The following TCF4 variants were observed in gnomAD, a reference collection of about 807,000 sequenced individuals.
TCF4 encodes transcription factor 4, also known as SL3-3 enhancer factor 2.
A neutral mutation model predicts 82.1 loss-of-function variants in TCF4; 3 were observed. That is an observed-to-expected ratio of 0.04 (90% CI 0.02 to 0.09). The LOEUF (loss-of-function observed/expected upper bound fraction) is 0.09. TCF4 is among the 10% of genes least tolerant of loss of function. The probability of loss-of-function intolerance (pLI) is 1.00; values close to 1 mark genes in which losing one functional copy is unlikely to be tolerated. For missense variants in TCF4, 518 were observed against 852.7 expected (o/e 0.61, Z 4.89); for synonymous variants, 276 against 309.6 (o/e 0.89, Z 1.14).
At chr18:55,258,588 T>C (rs1160736044) in intron 13 of TCF4, among the ~76,000 whole-genome samples, 2 of 152,204 alleles carry the variant, frequency 1.3e-5, no homozygotes, top group Non-Finnish European at 2.9e-5. Context: ...AGTATTCTCA[T>C]CTGTAAAATC....
rs937298071 is a variant in TCF4, at chr18:55,234,273, G to C, written c.1486+275C>G. 5.2e-6 allele frequency: 3 copies of C among 573,764 alleles called. No homozygotes were observed. The African/African-American group carries it at 5.6e-5, about 11-fold the overall frequency. The allele number at this position is 573,764 out of a possible 1,614,324, so 35.5% of individuals were successfully genotyped here. The stretch of plus-strand genomic sequence containing the variant: ...CCTGAATGAGAAAAATGTGGAAATA[G>C]CTAAAATAAAATTTCCTCTCATCAG... On this transcript the variant is annotated intron_variant, in intron 16 of 19. Coordinates refer to ENST00000354452, the MANE Select transcript of TCF4 (RefSeq NM_001083962.2).
intron 2 of TCF4, among the ~76,000 whole-genome samples, chr18:55,603,828 G>A (rs1383115368): frequency 6.6e-6 from 1 of 152,120 alleles, no homozygotes; most frequent in Non-Finnish European, 1.5e-5. Flanking sequence ...AGGAGGCCAG[G>A]AGATCATGGC....
intron 6 of TCF4, among the ~76,000 whole-genome samples, chr18:55,387,999 T>C (rs2092742093): frequency 1.3e-5 from 2 of 152,222 alleles, no homozygotes; most frequent in Admixed American, 1.3e-4. Context: ...TCTCTGAGCT[T>C]TAGTTTTCCA....
chr18:55,600,057 T>C (rs962210128), intron 2 of TCF4, among the ~76,000 whole-genome samples: 2 of 152,216 alleles, frequency 1.3e-5, no homozygotes, highest in Admixed American at 6.5e-5. Context: ...GGCTGTTTTT[T>C]TTTATTGCTG....
rs139108627 is a variant in TCF4, at chr18:55,344,513, C to G, written c.549+5846G>C. ...AAACTTCACACCAAAATATACTCTT[C>G]AGTGAAAATGATAAAGTTCAAAATA... On this transcript the variant is annotated intron_variant, in intron 8 of 19. Transcript: ENST00000354452. Among the ~76,000 whole-genome samples the G allele has an allele frequency of 3.9e-5, 6 of 152,248 alleles. No homozygotes were observed. In the East Asian group the frequency reaches 1.2e-3, roughly 29 times the overall value.
intron 13 of TCF4, 171 bp downstream of exon 13, chr18:55,259,778 A>C: frequency 1.6e-6 from 1 of 637,240 alleles, no homozygotes; most frequent in Admixed American, 2.8e-5. Context: ...AAACGACTAT[A>C]CTGTTATCTG....
chr18:55,570,690 C>T (rs763170577), intron 3 of TCF4, among the ~76,000 whole-genome samples: 2 of 151,782 alleles, frequency 1.3e-5, no homozygotes, highest in African/African-American at 2.4e-5. Flanking sequence ...GAGACCAGCC[C>T]GGGCAACATG....
chr18:55,527,469 A>C (rs2096999586), intron 3 of TCF4, among the ~76,000 whole-genome samples: 1 of 152,230 alleles, frequency 6.6e-6, no homozygotes. Context: ...CAGACCAAAA[A>C]TTCACATCCC....
chr18:55,565,114 A>G (rs1419471513), intron 3 of TCF4, among the ~76,000 whole-genome samples: 1 of 152,158 alleles, frequency 6.6e-6, no homozygotes, highest in Non-Finnish European at 1.5e-5. Context: ...TTTTTTTAAA[A>G]AGAACATTTT....
intron 8 of TCF4, among the ~76,000 whole-genome samples, chr18:55,330,606 A>G (rs2077384049): frequency 6.7e-6 from 1 of 148,382 alleles, no homozygotes; most frequent in East Asian, 2.1e-4. Context: ...TCGCTCTGTC[A>G]CCAGGCTGGA....
chr18:55,632,978 G>A (rs2097732942), intron 1 of TCF4, among the ~76,000 whole-genome samples: 1 of 152,210 alleles, frequency 6.6e-6, no homozygotes, highest in South Asian at 2.1e-4. Context: ...GAGAGGTCCA[G>A]GCTGTGGTTG....
At chr18:55,520,773 A>G (rs900501036) in intron 3 of TCF4, among the ~76,000 whole-genome samples, 2 of 152,230 alleles carry the variant, frequency 1.3e-5, no homozygotes, top group East Asian at 1.9e-4. Context: ...CCTGCCATTC[A>G]TTAGGCAGGA....
Position 55,595,033 on chromosome 18 carries a change from C to A in TCF4, c.287-7897G>T, listed in dbSNP as rs552283226. ...TCTTCTCTGGATCTCCATTCCTGCC[C>A]TAGTCTCCCACTCTGCAAGTCCTCC... On this transcript the variant is annotated intron_variant, in intron 2 of 20. Transcript: ENST00000398339. Among the ~76,000 whole-genome samples the A allele has an allele frequency of 2.0e-5, 3 of 152,304 alleles. No individual in the cohort carries two copies. In the South Asian group the frequency reaches 6.2e-4, roughly 32 times the overall value.
chr18:55,602,597 G>A (rs1359597971), intron 2 of TCF4, among the ~76,000 whole-genome samples: 2 of 152,094 alleles, frequency 1.3e-5, no homozygotes, highest in African/African-American at 2.4e-5. Flanking sequence ...ATGACTTTTC[G>A]ATTATCAGCA....
chr18:55,468,881 G>GCCCC (rs5825142), intron 3 of TCF4, among the ~76,000 whole-genome samples: 64 of 106,174 alleles, frequency 6.0e-4, no homozygotes, highest in East Asian at 4.1e-3. Flanking sequence ...TTTAGTTCTC[G>GCCCC]CCCCCCCCCC....
intron 8 of TCF4, among the ~76,000 whole-genome samples, chr18:55,336,415 T>C (rs930293084): frequency 3.9e-5 from 6 of 152,130 alleles, no homozygotes; most frequent in Admixed American, 6.5e-5. Context: ...GGTCATTTTA[T>C]GATCTTTAAC....
chr18:55,511,952 AC>A (rs140221855), intron 3 of TCF4, among the ~76,000 whole-genome samples: 50,680 of 152,024 alleles, frequency 0.33, 8,680 homozygotes, highest in East Asian at 0.49. Context: ...AATGGCATGT[AC>A]CATTCACTAC....
chr18:55,330,973 C>T lies in TCF4; in HGVS notation c.549+19386G>A, dbSNP rs781286768. ...TATGAGTTAAATTGTGACCATATAA[C>T]CTTTGTTCCAATCCCTAACTTCTGT... is the stretch of plus-strand genomic sequence containing the variant. On this transcript the variant is annotated intron_variant, in intron 8 of 19. Coordinates refer to ENST00000354452, the MANE Select transcript of TCF4 (RefSeq NM_001083962.2). Among the ~76,000 whole-genome samples, 75 of 152,128 alleles carry T rather than the reference C, an allele frequency of 4.9e-4. 1 individual carries two copies. Among genetic ancestry groups the T allele is most frequent in the Non-Finnish European group, 2.6e-4 (18 of 68,038 alleles).
chr18:55,562,421 C>T (rs1435659034), intron 3 of TCF4, among the ~76,000 whole-genome samples: 2 of 152,132 alleles, frequency 1.3e-5, no homozygotes, highest in African/African-American at 4.8e-5. Context: ...TTTATAAAAT[C>T]AAACCACGGA....
Sources: allele counts gnomAD v4.1 joint callset (sites outside exome capture counted in the v4.1 genomes callset), GRCh38; gene constraint gnomAD v4.1.1; transcripts MANE v1.5; gene names NCBI Gene and HGNC (gene_info 2026-07-23, HGNC 2026-07-21).